R3HDM2: variants seen among roughly 807,000 people sequenced by gnomAD.
R3HDM2 encodes R3H domain-containing protein 2.
R3HDM2 carries 38 observed loss-of-function variants against 124.5 expected under a neutral mutation model. The ratio of observed to expected loss-of-function variants is 0.31; its 90% confidence interval spans 0.24 to 0.40. R3HDM2 has a LOEUF of 0.40. Ranked by LOEUF, R3HDM2 falls within the 10% of genes least tolerant of loss-of-function variation. The pLI is 1.00. For synonymous variants in R3HDM2, 391 were observed against 448.0 expected (o/e 0.87, Z 1.61); for missense variants, 869 against 1,236.9 (o/e 0.70, Z 4.46).
chr12:57,296,368 T>G lies in R3HDM2; in HGVS notation c.701+43A>C, dbSNP rs2049886663. 5 of 1,547,490 alleles carry G rather than the reference T, an allele frequency of 3.2e-6. No individual in the cohort carries two copies. The African/African-American group carries it at 4.1e-5, about 13-fold the overall frequency. On this transcript the variant is annotated intron_variant, in intron 9 of 23. Coordinates refer to ENST00000402412, the MANE Select transcript of R3HDM2 (RefSeq NM_001394031.1). The surrounding 1 kb of genome is among the most constrained non-coding windows in gnomAD (Gnocchi z 4.5). ...CACCTTCCTCTTCCAACCCAGCAGGTTATCCCAGGGAAGTCTTCCCAAACC... is the reference window on the plus strand; with the variant it reads ...CACCTTCCTCTTCCAACCCAGCAGGGTATCCCAGGGAAGTCTTCCCAAACC...
chr12:57,365,577 C>G (rs1374832079), intron 2 of R3HDM2, among the ~76,000 whole-genome samples: 1 of 152,110 alleles, frequency 6.6e-6, no homozygotes, highest in Non-Finnish European at 1.5e-5. Context: ...CCAAATGGCT[C>G]AAAGAACTCA....
At chr12:57,368,989 A>C (rs868112836) in intron 2 of R3HDM2, among the ~76,000 whole-genome samples, 6 of 152,164 alleles carry the variant, frequency 3.9e-5, no homozygotes, top group Non-Finnish European at 7.3e-5. Flanking sequence ...CTAAGAAGGC[A>C]ACACAAGTGA....
intron 1 of R3HDM2, among the ~76,000 whole-genome samples, chr12:57,418,564 CTTT>C (rs777162116): frequency 3.5e-5 from 5 of 142,528 alleles, no homozygotes; most frequent in Admixed American, 2.1e-4. Flanking sequence ...TTGATATCTT[CTTT>C]TTTTTTTTTT....
chr12:57,386,571 G>A (rs1054990992), intron 2 of R3HDM2, among the ~76,000 whole-genome samples: 1 of 152,208 alleles, frequency 6.6e-6, no homozygotes, highest in Non-Finnish European at 1.5e-5. Flanking sequence ...GGGCTCCTGC[G>A]CAGCCTGAGC....
At chr12:57,321,438 G>A (rs1215450859) in intron 2 of R3HDM2, among the ~76,000 whole-genome samples, 23 of 152,026 alleles carry the variant, frequency 1.5e-4, no homozygotes, top group Admixed American at 1.3e-3. Flanking sequence ...ATCACCTGAC[G>A]TCAGGAGTTC....
Position 57,280,268 on chromosome 12 carries a change from C to T in R3HDM2, c.1344+90G>A. On this transcript the variant is annotated intron_variant, in intron 14 of 23. Transcript: ENST00000402412. ...GCATGTCTCCAAAAACTGATCCTTC[C>T]TGCCACCCACAGCACAAGAGACATG... 9 of 1,329,672 alleles carry T rather than the reference C, an allele frequency of 6.8e-6. No individual in the cohort carries two copies. The South Asian group carries it at 1.4e-4, about 21-fold the overall frequency. 82.4% of individuals were successfully genotyped at this position (1,329,672 alleles called of 1,614,324 possible). A position where few individuals can be genotyped will look rare whatever the true frequency, so the allele number is the denominator to read the frequency against.
intron 1 of R3HDM2, chr12:57,430,437 C>T (rs1437304920): frequency 2.4e-6 from 2 of 819,252 alleles, no homozygotes; most frequent in Non-Finnish European, 2.9e-6. Flanking sequence ...ACTGGAAGGG[C>T]GCAATAGTTT....
intron 10 of R3HDM2, among the ~76,000 whole-genome samples, chr12:57,293,545 C>T (rs901907948): frequency 6.6e-6 from 1 of 152,136 alleles, no homozygotes; most frequent in East Asian, 1.9e-4. Flanking sequence ...CATCTAAATC[C>T]TCATCATGAT....
intron 2 of R3HDM2, among the ~76,000 whole-genome samples, chr12:57,311,961 A>C (rs2054005570): frequency 6.6e-6 from 1 of 152,232 alleles, no homozygotes; most frequent in Non-Finnish European, 1.5e-5. Context: ...ACACAGATTC[A>C]TGTCCTCAAT....
chr12:57,330,236 G>T (rs2136562895), intron 2 of R3HDM2, among the ~76,000 whole-genome samples: 1 of 152,134 alleles, frequency 6.6e-6, no homozygotes, highest in South Asian at 2.1e-4. Flanking sequence ...AAAGTGCTGG[G>T]ATTACAGGTG....
At chr12:57,348,710 A>C (rs2060315325) in intron 2 of R3HDM2, among the ~76,000 whole-genome samples, 1 of 55,818 alleles carries the variant, frequency 1.8e-5, no homozygotes, top group Admixed American at 1.9e-4. Context: ...AAAAAAAAAA[A>C]AAAAAAAAAA....
intron 5 of R3HDM2, 47 bp from the exon 6 acceptor site, chr12:57,299,525 T>C (rs1349082947): frequency 4.7e-6 from 7 of 1,501,030 alleles, no homozygotes; most frequent in Non-Finnish European, 6.3e-6. Flanking sequence ...ATTTTAACTT[T>C]CTTGCAGCTC....
At chr12:57,386,359 A>C (rs1431337408) in intron 2 of R3HDM2, among the ~76,000 whole-genome samples, 1 of 152,246 alleles carries the variant, frequency 6.6e-6, no homozygotes, top group Non-Finnish European at 1.5e-5. Flanking sequence ...CTTGCGGGCC[A>C]GCACGAGTTC....
chr12:57,315,354 A>C (rs2054799340), intron 2 of R3HDM2, among the ~76,000 whole-genome samples: 1 of 151,628 alleles, frequency 6.6e-6, no homozygotes, highest in South Asian at 2.1e-4. Flanking sequence ...TTTTTCTATT[A>C]CTTTTAGAGA....
In R3HDM2 at chr12:57,414,240, C is replaced by G. The variant is rs560306545; in HGVS notation, c.-106+16480G>C. ...GGGGCTCATGCCTGTAATCCCAGCA[C>G]TCTGGGAGGCTGAGGCGGGCTGATC... On this transcript the variant is annotated intron_variant, in intron 1 of 23. Transcript: ENST00000402412. 2.6e-5 allele frequency among the ~76,000 whole-genome samples: 4 copies of G among 151,312 alleles called. No individual in the cohort carries two copies. In the South Asian group the frequency reaches 8.4e-4, roughly 32 times the overall value.
Position 57,383,277 on chromosome 12 carries a change from G to A in R3HDM2, c.-36+12472C>T, listed in dbSNP as rs915491977. Among the ~76,000 whole-genome samples, 53 of 152,124 alleles carry A rather than the reference G, an allele frequency of 3.5e-4. 1 individual carries two copies. Among genetic ancestry groups the A allele is most frequent in the Non-Finnish European group, 1.0e-4 (7 of 68,026 alleles). ...CAAGGCTGCAGTGAGCTGTGGTCAC[G>A]CCGTTGCACTCCAACCTGGAGTGAG... On this transcript the variant is annotated intron_variant, in intron 2 of 23. Transcript: ENST00000402412.
At chr12:57,298,345 C>T (rs775098145) in intron 6 of R3HDM2, among the ~76,000 whole-genome samples, 177 bp from the exon 7 acceptor site, 13 of 152,074 alleles carry the variant, frequency 8.5e-5, no homozygotes, top group Non-Finnish European at 1.5e-4. Flanking sequence ...CCCAAAATTC[C>T]TCATCAGAAT....
intron 2 of R3HDM2, among the ~76,000 whole-genome samples, chr12:57,311,830 A>T (rs2053977760): frequency 6.6e-6 from 1 of 152,200 alleles, no homozygotes; most frequent in Non-Finnish European, 1.5e-5. Flanking sequence ...CCAGTGATGG[A>T]GTATCTATAC....
At chr12:57,280,763 C>T (rs1011139984) in intron 13 of R3HDM2, among the ~76,000 whole-genome samples, 1 of 152,160 alleles carries the variant, frequency 6.6e-6, no homozygotes, top group African/African-American at 2.4e-5. Context: ...CAGGAACCAC[C>T]TTGACTGTCA....
Sources: gnomAD v4.1 joint callset for allele counts (sites outside exome capture counted in the v4.1 genomes callset) on GRCh38, gnomAD v4.1.1 for gene constraint, Gnocchi (gnomAD v3.1) non-coding constraint, MANE v1.5 for transcripts, NCBI Gene and HGNC (gene_info 2026-07-23, HGNC 2026-07-21) for gene names.